RNASE4: variants seen among roughly 807,000 people sequenced by gnomAD.
The protein encoded by RNASE4 is ribonuclease 4.
For missense variants in RNASE4, 194 were observed against 192.8 expected (o/e 1.01, Z -0.04); for synonymous variants, 93 against 71.4 (o/e 1.30, Z -1.52).
intron 1 of RNASE4, among the ~76,000 whole-genome samples, chr14:20,694,851 T>G (rs1027333859): frequency 1.3e-5 from 2 of 152,016 alleles, no homozygotes; most frequent in African/African-American, 4.8e-5. Context: ...CAGATTATTA[T>G]AGTTTCTCTC....
intron 1 of RNASE4, among the ~76,000 whole-genome samples, chr14:20,692,979 C>T (rs958472086): frequency 4.6e-5 from 7 of 151,638 alleles, no homozygotes; most frequent in African/African-American, 1.5e-4. Context: ...TCCCGAGTAG[C>T]TGGGACTACA....
At chr14:20,690,411 C>T (rs1045340445) in intron 1 of RNASE4, among the ~76,000 whole-genome samples, 5 of 152,140 alleles carry the variant, frequency 3.3e-5, no homozygotes, top group East Asian at 1.9e-4. Context: ...ACTTTTACAC[C>T]ACAAACGATC....
chr14:20,688,259 CT>C (rs1200720903), intron 1 of RNASE4, among the ~76,000 whole-genome samples: 11 of 152,162 alleles, frequency 7.2e-5, no homozygotes, highest in Non-Finnish European at 1.6e-4. Context: ...ACAACCTTCT[CT>C]GGAAGTGCTT....
chr14:20,693,337 G>T, intron 1 of RNASE4: 3 of 634,840 alleles, frequency 4.7e-6, no homozygotes, highest in Non-Finnish European at 8.2e-6. Flanking sequence ...TGGAGCTAGA[G>T]GTTGTGCTCA....
chr14:20,693,830 A>G lies in RNASE4; in HGVS notation c.-17-5525A>G, dbSNP rs774292967. On this transcript the variant is annotated intron_variant, in intron 1 of 1. Coordinates refer to ENST00000555835, the MANE Select transcript of RNASE4 (RefSeq NM_002937.5). ...TGTGAAAACAAGAATGGAAACCCTC[A>G]CAGAGAAAACCTAAGAATAAGCAAG... 6.2e-6 allele frequency: 10 copies of G among 1,614,198 alleles called. 1 individual carries two copies. In the South Asian group the frequency reaches 9.9e-5, roughly 16 times the overall value.
intron 1 of RNASE4, among the ~76,000 whole-genome samples, chr14:20,698,703 A>T (rs895856532): frequency 2.6e-5 from 4 of 152,190 alleles, no homozygotes; most frequent in African/African-American, 9.6e-5. Context: ...AATGTATAAC[A>T]TATATTATTC....
chr14:20,694,199 C>A, intron 1 of RNASE4: 1 of 672,528 alleles, frequency 1.5e-6, no homozygotes. Flanking sequence ...AGAGTCTTCT[C>A]ACTGATTCTG....
chr14:20,693,452 C>T (rs1345801487), intron 1 of RNASE4: 2 of 1,509,604 alleles, frequency 1.3e-6, no homozygotes, highest in Non-Finnish European at 1.8e-6. Flanking sequence ...AGATCTGATT[C>T]ATGATGCCGT....
At chr14:20,693,416 T>C in intron 1 of RNASE4, 1 of 1,215,686 alleles carries the variant, frequency 8.2e-7, no homozygotes, top group Non-Finnish European at 1.2e-6. Context: ...GAAGGGAAAA[T>C]AGAATATAAA....
At chr14:20,697,252 A>T (rs1455447325) in intron 1 of RNASE4, among the ~76,000 whole-genome samples, 3 of 152,244 alleles carry the variant, frequency 2.0e-5, no homozygotes, top group African/African-American at 7.2e-5. Context: ...GAGAGAAAGT[A>T]GATAAAACCA....
At chr14:20,692,440 G>A (rs985391902) in intron 1 of RNASE4, among the ~76,000 whole-genome samples, 2 of 152,216 alleles carry the variant, frequency 1.3e-5, no homozygotes, top group African/African-American at 2.4e-5. Flanking sequence ...CCTGGGCTCA[G>A]GGTTCCCTAG....
chr14:20,697,548 ATATCCATGT>A (rs1887135257), intron 1 of RNASE4, among the ~76,000 whole-genome samples: 1 of 152,180 alleles, frequency 6.6e-6, no homozygotes, highest in South Asian at 2.1e-4. Flanking sequence ...TAAAAGAACA[ATATCCATGT>A]TTGATACTGC....
At chr14:20,685,555 A>C (rs1886383713) in intron 1 of RNASE4, among the ~76,000 whole-genome samples, 1 of 152,256 alleles carries the variant, frequency 6.6e-6, no homozygotes, top group African/African-American at 2.4e-5. Context: ...CCACAGAGCC[A>C]CTAACAAGTT....
chr14:20,694,005 G>T (rs759928848), intron 1 of RNASE4: 2 of 1,614,048 alleles, frequency 1.2e-6, no homozygotes, highest in East Asian at 4.5e-5. Context: ...TCCGTCGTCC[G>T]TAACCAGCGG....
intron 1 of RNASE4, among the ~76,000 whole-genome samples, chr14:20,689,393 G>C (rs1275782094): frequency 1.3e-5 from 2 of 152,156 alleles, no homozygotes; most frequent in South Asian, 2.1e-4. Context: ...ATATGCCTTG[G>C]GTGTTAGGCT....
chr14:20,700,169 T>C lies in RNASE4; in HGVS notation c.*354T>C, dbSNP rs930631501. The C allele has an allele frequency of 1.8e-5, 4 of 216,700 alleles. No homozygotes were observed. The South Asian group carries it at 3.1e-4, about 17-fold the overall frequency. 13.4% of individuals were successfully genotyped at this position (216,700 alleles called of 1,614,324 possible). On this transcript the variant is annotated 3_prime_UTR_variant, in exon 2 of 2. Coordinates refer to ENST00000555835, the MANE Select transcript of RNASE4 (RefSeq NM_002937.5). The stretch of plus-strand genomic sequence containing the variant: ...TCACATTTTAATACCACAGCACTTA[T>C]AATGATGTCACTACATATAGAAGCT...
Position 20,699,508 on chromosome 14 carries a change from C to G in RNASE4, c.137C>G (p.Thr46Arg), listed in dbSNP as rs148642430. The change falls in exon 2 of 2, where the codon ACA (threonine) becomes AGA (arginine). Residue 46 changes from threonine to arginine, a missense_variant. Thr to Arg is a moderately conservative substitution (Grantham distance 71). Transcript: ENST00000555835. The part of the protein sequence containing the change: ...FLRQHVHPEE[T>R]GGSDRYCNLM... ...CGGCAACACGTGCACCCTGAGGAGA[C>G]AGGTGGCAGTGATCGCTACTGCAAC... 61 of 1,614,190 alleles carry G rather than the reference C, an allele frequency of 3.8e-5. No individual in the cohort carries two copies. The highest frequency in any genetic ancestry group is 2.8e-4 in the Admixed American group (17 of 60,028).
chr14:20,699,731 C>G lies in RNASE4; in HGVS notation c.360C>G (p.Cys120Trp). The G allele has an allele frequency of 6.2e-7, 1 of 1,610,832 alleles. No individual in the cohort carries two copies. The highest frequency in any genetic ancestry group is 1.1e-5 in the South Asian group (1 of 91,080). Residue 120 changes from cysteine to tryptophan, a missense_variant, in exon 2 of 2, where the codon TGC becomes TGG. Physicochemically the swap from Cys to Trp is radical, Grantham distance 215. Transcript: ENST00000555835. Reference protein sequence around the residue: ...RDTGSSRAPNCRYRAIASTRR... With the variant: ...RDTGSSRAPNWRYRAIASTRR... Reference sequence around the variant, plus strand: ...CAGGAAGTTCCAGGGCACCCAACTGCAGATATCGGGCCATAGCGAGCACTA... The same window carrying G: ...CAGGAAGTTCCAGGGCACCCAACTGGAGATATCGGGCCATAGCGAGCACTA...
intron 1 of RNASE4, among the ~76,000 whole-genome samples, chr14:20,689,043 T>C (rs1886560342): frequency 6.6e-6 from 1 of 152,130 alleles, no homozygotes. Flanking sequence ...GGATGGCCTA[T>C]GTGTGGATAA....
Sources: gnomAD v4.1 joint callset for allele counts (sites outside exome capture counted in the v4.1 genomes callset) on GRCh38, gnomAD v4.1.1 for gene constraint, MANE v1.5 for transcripts, NCBI Gene and HGNC (gene_info 2026-07-23, HGNC 2026-07-21) for gene names.